TRPM3: variants seen among roughly 807,000 people sequenced by gnomAD.
TRPM3 encodes long transient receptor potential channel 3.
A neutral mutation model predicts 181.2 loss-of-function variants in TRPM3; 77 were observed. The observed-to-expected ratio is 0.42, with a 90% CI of 0.35 to 0.51. TRPM3 has a LOEUF of 0.51. Ranked by LOEUF, TRPM3 falls within the 20% of genes least tolerant of loss-of-function variation. TRPM3 has a pLI of 0.01. For synonymous variants in TRPM3, 745 were observed against 796.4 expected (o/e 0.94, Z 1.09); for missense variants, 1,759 against 2,196.7 (o/e 0.80, Z 3.98).
intron 1 of TRPM3, among the ~76,000 whole-genome samples, chr9:71,148,374 C>G (rs1237686903): frequency 1.3e-5 from 2 of 151,620 alleles, no homozygotes; most frequent in African/African-American, 4.8e-5. Context: ...TTCTTAACAC[C>G]CTGGGATCTA....
chr9:71,394,820 G>A (rs1475931430), intron 1 of TRPM3, among the ~76,000 whole-genome samples: 1 of 152,188 alleles, frequency 6.6e-6, no homozygotes, highest in Non-Finnish European at 1.5e-5. Flanking sequence ...ATACGTTACA[G>A]TGTCAATATA....
chr9:71,330,581 G>C (rs2090037771), intron 1 of TRPM3, among the ~76,000 whole-genome samples: 1 of 151,804 alleles, frequency 6.6e-6, no homozygotes, highest in Non-Finnish European at 1.5e-5. Flanking sequence ...GTATGCTATA[G>C]CAGAAAAAGC....
At chr9:70,549,742 C>A in intron 24 of TRPM3, 68 bp from the exon 25 acceptor site, 6 of 1,488,512 alleles carry the variant, frequency 4.0e-6, no homozygotes, top group Non-Finnish European at 5.4e-6. Context: ...GATTTGTGGG[C>A]CTAGTGACAT....
At chr9:71,194,371 G>A (rs79384156) in intron 1 of TRPM3, among the ~76,000 whole-genome samples, 193 of 151,970 alleles carry the variant, frequency 1.3e-3, no homozygotes, top group Non-Finnish European at 2.2e-3. Context: ...GCTAGACTAC[G>A]TTTCCTAACT....
chr9:70,643,774 G>C (rs1480571588), intron 9 of TRPM3, among the ~76,000 whole-genome samples: 2 of 152,254 alleles, frequency 1.3e-5, no homozygotes, highest in Non-Finnish European at 2.9e-5. Context: ...ACAGATTCTA[G>C]TTTAATTGGT....
chr9:71,372,541 T>TCATTCTGA (rs1253914990), intron 1 of TRPM3, among the ~76,000 whole-genome samples: 2 of 152,132 alleles, frequency 1.3e-5, no homozygotes, highest in African/African-American at 4.8e-5. Context: ...TTATTAACAG[T>TCATTCTGA]CATTCTGACT....
In TRPM3 at chr9:70,806,884, C is replaced by T. The variant is rs147513190; in HGVS notation, c.973+20963G>A. ...TGATCTAAATAATAATTTGAAGAGA[C>T]AAATAATTATAAATCCTAAGAAGGG... On this transcript the variant is annotated intron_variant, in intron 6 of 25. Transcript: ENST00000677713. Among the ~76,000 whole-genome samples, 357 of 152,110 alleles carry T rather than the reference C, an allele frequency of 2.3e-3. 3 individuals carry two copies. Among genetic ancestry groups the T allele is most frequent in the African/African-American group, 8.1e-3 (335 of 41,484 alleles).
intron 6 of TRPM3, chr9:70,825,117 C>G (rs1055190709): frequency 1.3e-5 from 2 of 152,090 alleles, no homozygotes; most frequent in African/African-American, 4.8e-5. Context: ...CTCAGTTTGC[C>G]CAGACTGAGG....
At position 71,198,787 on chromosome 9, in the gene TRPM3, T is replaced by A. The variant is rs1329990536; in HGVS notation, c.183+247866A>T. The stretch of plus-strand genomic sequence containing the variant: ...GAGATTTTGGGCTGAGACGATGGGG[T>A]TTTCTAGATATACAATCATGTCATC... On this transcript the variant is annotated intron_variant, in intron 1 of 24. Coordinates refer to the TRPM3 transcript ENST00000357533. Among the ~76,000 whole-genome samples, 29 of 148,446 alleles carry A rather than the reference T, an allele frequency of 2.0e-4. No homozygotes were observed. In the South Asian group the frequency reaches 5.5e-3, roughly 28 times the overall value.
intron 1 of TRPM3, among the ~76,000 whole-genome samples, chr9:71,155,552 A>G (rs952908723): frequency 6.9e-5 from 9 of 129,760 alleles, no homozygotes; most frequent in African/African-American, 2.6e-4. Flanking sequence ...ATGGGTTTTC[A>G]CCACGTTGGC....
intron 1 of TRPM3, among the ~76,000 whole-genome samples, chr9:70,905,903 A>G (rs1257187632): frequency 6.6e-6 from 1 of 151,908 alleles, no homozygotes; most frequent in East Asian, 1.9e-4. Flanking sequence ...ATGCCTGGCT[A>G]TTTTTTACTT....
At chr9:71,049,140 A>G (rs1218497852) in intron 1 of TRPM3, among the ~76,000 whole-genome samples, 2 of 152,130 alleles carry the variant, frequency 1.3e-5, no homozygotes, top group African/African-American at 4.8e-5. Context: ...CTATCATCTT[A>G]GGTACAGTCA....
intron 22 of TRPM3, chr9:70,579,361 C>T (rs1423706214): frequency 2.0e-5 from 3 of 152,122 alleles, no homozygotes; most frequent in Non-Finnish European, 2.9e-5. Flanking sequence ...GATGCCTGAT[C>T]GACACAGCAC....
chr9:71,149,603 G>A (rs991887172), intron 1 of TRPM3, among the ~76,000 whole-genome samples: 1 of 152,058 alleles, frequency 6.6e-6, no homozygotes, highest in African/African-American at 2.4e-5. Context: ...GATAAATAAT[G>A]AAAATCCACT....
At chr9:71,087,508 C>T (rs2065474045) in intron 1 of TRPM3, among the ~76,000 whole-genome samples, 1 of 151,992 alleles carries the variant, frequency 6.6e-6, no homozygotes, top group African/African-American at 2.4e-5. Context: ...TCTATGACCA[C>T]CCTTTGAACT....
chr9:70,611,152 C>A (rs2061939867), intron 18 of TRPM3, among the ~76,000 whole-genome samples: 1 of 152,236 alleles, frequency 6.6e-6, no homozygotes, highest in Non-Finnish European at 1.5e-5. Flanking sequence ...AATTCTGTCT[C>A]TTCAGATGAT....
chr9:71,124,874 C>T (rs1486708477), upstream of TRPM3, among the ~76,000 whole-genome samples: 1 of 152,148 alleles, frequency 6.6e-6, no homozygotes, highest in Non-Finnish European at 1.5e-5. Flanking sequence ...AAAAGCCTCC[C>T]TCTGAAATGT....
chr9:70,978,962 G>A (rs961514300), intron 1 of TRPM3, among the ~76,000 whole-genome samples: 3 of 152,208 alleles, frequency 2.0e-5, no homozygotes, highest in Non-Finnish European at 4.4e-5. Context: ...TCCCAGGGAA[G>A]AAAGGAAATC....
At chr9:71,377,938 G>A (rs190075313) in intron 1 of TRPM3, among the ~76,000 whole-genome samples, 2 of 152,046 alleles carry the variant, frequency 1.3e-5, no homozygotes, top group African/African-American at 4.8e-5. Context: ...TGTAGTATTT[G>A]ATTATATGAA....
Sources: allele counts gnomAD v4.1 joint callset (sites outside exome capture counted in the v4.1 genomes callset), GRCh38; gene constraint gnomAD v4.1.1; transcripts MANE v1.5; gene names NCBI Gene and HGNC (gene_info 2026-07-23, HGNC 2026-07-21).